Variants in RABEP1 observed in about 807,000 individuals in gnomAD.
RABEP1 encodes rabaptin, RAB GTPase binding effector protein 1.
RABEP1 carries 51 observed loss-of-function variants against 123.4 expected under a neutral mutation model. The observed-to-expected ratio is 0.41, with a 90% confidence interval of 0.33 to 0.52. The LOEUF (loss-of-function observed/expected upper bound fraction) is 0.52, where lower values mean the gene tolerates loss of function less well. Among genes scored for constraint, RABEP1 ranks in the 20% least tolerant of loss-of-function variants. RABEP1 has a pLI of 0.16. For missense variants in RABEP1, 888 were observed against 996.3 expected, an observed-to-expected ratio of 0.89 and a Z score of 1.46; for synonymous variants, 347 against 355.2, an observed-to-expected ratio of 0.98 and a Z score of 0.26.
chr17:5,289,854 C>G lies in RABEP1; in HGVS notation c.34+7334C>G, dbSNP rs1017967946. Among the ~76,000 whole-genome samples the G allele has an allele frequency of 7.9e-5, 12 of 152,256 alleles. No homozygotes were observed. In the East Asian group the frequency reaches 2.3e-3, roughly 29 times the overall value. ...ATACTTAATCTGAAAAACAAAAGCC[C>G]TGCACTTATCCACTGTCTTTGTCAC... On this transcript the variant is annotated intron_variant, in intron 1 of 17. Transcript: ENST00000537505.
intron 1 of RABEP1, among the ~76,000 whole-genome samples, chr17:5,294,276 C>G (rs2075059692): frequency 6.6e-6 from 1 of 152,042 alleles, no homozygotes; most frequent in Admixed American, 6.6e-5. Flanking sequence ...CCCAGCTACT[C>G]AGGAGGCTGA....
chr17:5,343,250 CAAAAT>C (rs1198086775), intron 5 of RABEP1, among the ~76,000 whole-genome samples: 3 of 151,856 alleles, frequency 2.0e-5, no homozygotes, highest in Non-Finnish European at 4.4e-5. Context: ...AACTCCGTCT[CAAAAT>C]AAATAAATTA....
chr17:5,334,169 G>A (rs551761309), intron 3 of RABEP1, among the ~76,000 whole-genome samples: 321 of 151,790 alleles, frequency 2.1e-3, no homozygotes, highest in Non-Finnish European at 3.4e-3. Context: ...AAGTAGCTGG[G>A]ACCACAGACA....
chr17:5,325,720 GA>G (rs199611553), intron 2 of RABEP1, among the ~76,000 whole-genome samples: 5 of 146,694 alleles, frequency 3.4e-5, no homozygotes, highest in Admixed American at 6.8e-5. Context: ...TGGGATGAAA[GA>G]AAAAAAAAAC....
intron 2 of RABEP1, among the ~76,000 whole-genome samples, chr17:5,329,019 C>CTTTTTTTT (rs760060600): frequency 1.8e-5 from 2 of 110,660 alleles, no homozygotes; most frequent in African/African-American, 3.5e-5. Flanking sequence ...TTCAGAAAGA[C>CTTTTTTTT]TTTTTTTTTT....
At chr17:5,339,523 C>T (rs1341620282) in intron 5 of RABEP1, among the ~76,000 whole-genome samples, 5 of 152,156 alleles carry the variant, frequency 3.3e-5, no homozygotes, top group South Asian at 4.2e-4. Flanking sequence ...GAAGCCTGGG[C>T]GCGGTGGCTC....
At chr17:5,379,714 A>G (rs758590530) in intron 15 of RABEP1, among the ~76,000 whole-genome samples, 1 of 152,224 alleles carries the variant, frequency 6.6e-6, no homozygotes, top group Non-Finnish European at 1.5e-5. Context: ...CCCTGCCTCC[A>G]AAATTTGTCC....
rs1359158667 is a variant in RABEP1, at chr17:5,282,400, T to C, written c.-87T>C. On this transcript the variant is annotated 5_prime_UTR_variant, in exon 1 of 18. Transcript: ENST00000537505. ...TGGGCGGCGGCGGCGGCGGCTCGGT[T>C]GACGCCTCCTCCGCCAGCTGAGCCC... The C allele has an allele frequency of 3.6e-6, 4 of 1,101,146 alleles. No individual in the cohort carries two copies. Among genetic ancestry groups the C allele is most frequent in the East Asian group, 6.4e-5 (2 of 31,366 alleles). 68.2% of individuals were successfully genotyped at this position (1,101,146 alleles called of 1,614,324 possible).
intron 7 of RABEP1, among the ~76,000 whole-genome samples, chr17:5,352,886 C>CT (rs1239282183): frequency 1.3e-5 from 2 of 152,136 alleles, no homozygotes; most frequent in South Asian, 2.1e-4. Flanking sequence ...TCATTTAAAA[C>CT]TTTTCAACAT....
In RABEP1 at chr17:5,325,110, C is replaced by T. The variant is rs549967969; in HGVS notation, c.164-6839C>T. Among the ~76,000 whole-genome samples, 111 of 151,974 alleles carry T rather than the reference C, an allele frequency of 7.3e-4. 1 individual carries two copies. In the East Asian group the frequency reaches 9.7e-3, roughly 13 times the overall value. ...GGTGGATTGCCTGAGCTCAGGAGTT[C>T]GAGACCAGCCTGGGCAACATGGTGA... is the stretch of plus-strand genomic sequence containing the variant. On this transcript the variant is annotated intron_variant, in intron 2 of 17. Coordinates refer to ENST00000537505, the MANE Select transcript of RABEP1 (RefSeq NM_004703.6).
At chr17:5,350,822 C>T (rs7219586) in intron 7 of RABEP1, among the ~76,000 whole-genome samples, 193 bp downstream of exon 7, 20 of 152,000 alleles carry the variant, frequency 1.3e-4, no homozygotes, top group Non-Finnish European at 2.5e-4. Context: ...GGCCTCCTCT[C>T]GGGGGTGGGG....
rs1641822349 is a variant in RABEP1 at position 5,319,632 on chromosome 17, G to A, written c.163+10810G>A. ...CCTGCCTTGGCCTCCCAAAGTGTTG[G>A]GATTACAGGCGTGAGCTACCACACC... is the stretch of plus-strand genomic sequence containing the variant. On this transcript the variant is annotated intron_variant, in intron 2 of 17. Transcript: ENST00000537505. Among the ~76,000 whole-genome samples, 3 of 151,956 alleles carry A rather than the reference G, an allele frequency of 2.0e-5. No homozygotes were observed. The South Asian group carries it at 6.2e-4, about 31-fold the overall frequency.
chr17:5,299,740 TTTTTTTTG>T (rs2075118984), intron 1 of RABEP1, among the ~76,000 whole-genome samples: 7 of 128,662 alleles, frequency 5.4e-5, no homozygotes, highest in African/African-American at 2.2e-4. Context: ...TCTTTTTTTT[TTTTTTTTG>T]GAGGCAGAGT....
chr17:5,292,874 G>T (rs1365483864), intron 1 of RABEP1, among the ~76,000 whole-genome samples: 2 of 152,100 alleles, frequency 1.3e-5, no homozygotes, highest in Non-Finnish European at 2.9e-5. Flanking sequence ...TAGAGATAAG[G>T]TTTTTCCATG....
intron 5 of RABEP1, among the ~76,000 whole-genome samples, chr17:5,339,709 A>T (rs1907413254): frequency 6.6e-6 from 1 of 152,032 alleles, no homozygotes; most frequent in Non-Finnish European, 1.5e-5. Context: ...CTGAGGCAGG[A>T]GAATTGCTCA....
chr17:5,382,281 C>T (rs1911539268), intron 17 of RABEP1, among the ~76,000 whole-genome samples: 1 of 151,392 alleles, frequency 6.6e-6, no homozygotes, highest in African/African-American at 2.4e-5. Flanking sequence ...AGGGTTTCAC[C>T]ATGTTGGTCA....
intron 5 of RABEP1, among the ~76,000 whole-genome samples, chr17:5,343,245 C>T (rs112165192): frequency 7.2e-5 from 11 of 152,034 alleles, no homozygotes; most frequent in East Asian, 3.9e-4. Context: ...AGTGAAACTC[C>T]GTCTCAAAAT....
intron 10 of RABEP1, among the ~76,000 whole-genome samples, chr17:5,363,781 A>C (rs1161172761): frequency 1.3e-5 from 2 of 152,198 alleles, no homozygotes; most frequent in Non-Finnish European, 2.9e-5. Flanking sequence ...TGTTGAATTA[A>C]GGTTAATAAG....
chr17:5,341,080 C>A (rs543226474), intron 5 of RABEP1, among the ~76,000 whole-genome samples: 19 of 151,824 alleles, frequency 1.3e-4, no homozygotes, highest in Middle Eastern at 3.4e-3. Context: ...ATAGACAAAT[C>A]TCTGGTAAGA....
Sources: allele counts gnomAD v4.1 joint callset (sites outside exome capture counted in the v4.1 genomes callset), GRCh38; gene constraint gnomAD v4.1.1; transcripts MANE v1.5; gene names NCBI Gene and HGNC (gene_info 2026-07-23, HGNC 2026-07-21).